The following CDV3 variants were observed in gnomAD, a reference collection of about 807,000 sequenced individuals.
The protein encoded by CDV3 is CDV3 homolog, also known as protein CDV3 homolog.
A neutral mutation model predicts 24.5 loss-of-function variants in CDV3; 14 were observed. The ratio of observed to expected loss-of-function variants is 0.57; its 90% CI spans 0.38 to 0.89. The LOEUF is 0.89. CDV3 is among the 40% of genes least tolerant of loss of function. CDV3 has a pLI of 0.00. For missense variants in CDV3, 304 were observed against 310.2 expected, an observed-to-expected ratio of 0.98 and a Z score of 0.15; for synonymous variants, 114 against 114.1, an observed-to-expected ratio of 1.00 and a Z score of 0.00.
At chr3:133,578,119 A>AGCT (rs977374072) in intron 2 of CDV3, among the ~76,000 whole-genome samples, 1 of 152,126 alleles carries the variant, frequency 6.6e-6, no homozygotes, top group African/African-American at 2.4e-5. Context: ...CCTCCCGAGT[A>AGCT]GCTGGGACTA....
In CDV3 at chr3:133,590,238, T is replaced by G. The variant is rs1933989051; in HGVS notation, c.*2192T>G. ...GCAAGAATTCTGTAACATTAACAAA[T>G]TCAATAAAAAGTAAATATATGGATT... On this transcript the variant is annotated 3_prime_UTR_variant, in exon 5 of 5. Transcript: ENST00000264993. 6.6e-6 allele frequency: 1 copy of G among 152,194 alleles called. No homozygotes were observed. The highest frequency in any genetic ancestry group is 2.4e-5 in the African/African-American group (1 of 41,444). The allele number at this position is 152,194 out of a possible 1,614,324, so 9.4% of individuals were successfully genotyped here. A position where few individuals can be genotyped will look rare whatever the true frequency, so the allele number is the denominator to read the frequency against.
chr3:133,579,793 A>G (rs1376100854), intron 2 of CDV3, among the ~76,000 whole-genome samples: 1 of 151,944 alleles, frequency 6.6e-6, no homozygotes, highest in East Asian at 1.9e-4. Context: ...GTGTTTGACC[A>G]TGTTGGTCAG....
chr3:133,576,841 CTTTTTTTT>C (rs370619351), intron 2 of CDV3, among the ~76,000 whole-genome samples: 1,720 of 62,462 alleles, frequency 0.028, 81 homozygotes, highest in Middle Eastern at 0.11. Flanking sequence ...GGTAGACTAG[CTTTTTTTT>C]TTTTTTTTTT....
intron 2 of CDV3, among the ~76,000 whole-genome samples, chr3:133,575,725 C>T (rs1413896438): frequency 6.6e-6 from 1 of 152,136 alleles, no homozygotes; most frequent in Non-Finnish European, 1.5e-5. Context: ...TATTTGTAAA[C>T]ATGTTATTTT....
intron 4 of CDV3, chr3:133,587,224 T>C (rs904250867): frequency 6.9e-6 from 9 of 1,312,916 alleles, no homozygotes; most frequent in Non-Finnish European, 7.9e-6. Context: ...CATCTTACTT[T>C]AGGGACATGA....
chr3:133,578,104 C>T (rs1316787999), intron 2 of CDV3, among the ~76,000 whole-genome samples: 1 of 152,196 alleles, frequency 6.6e-6, no homozygotes, highest in Non-Finnish European at 1.5e-5. Context: ...ATCCTCCCAC[C>T]TCAGCCTCCC....
At position 133,586,581 on chromosome 3, in the gene CDV3, C is replaced by T. The variant is rs1276145001; in HGVS notation, c.485C>T (p.Pro162Leu). The change falls in exon 4 of 5, where the codon CCA (proline) becomes CTA (leucine). Residue 162 changes from proline to leucine, a missense_variant. Pro to Leu is a moderately conservative substitution (Grantham distance 98). Transcript: ENST00000264993. The stretch of plus-strand genomic sequence containing the variant: ...ATATTAGTTACAGAAACCCCAGAAC[C>T]AGCGATGACTAGTGGTGTGTATAGG... ...APVIVTETPE[P>L]AMTSGVYRPP... The T allele has an allele frequency of 3.2e-6, 5 of 1,587,206 alleles. No homozygotes were observed. Among genetic ancestry groups the T allele is most frequent in the Non-Finnish European group, 4.3e-6 (5 of 1,158,394 alleles).
At chr3:133,584,321 T>C (rs191151689) in intron 3 of CDV3, among the ~76,000 whole-genome samples, 171 bp downstream of exon 3, 3 of 152,284 alleles carry the variant, frequency 2.0e-5, no homozygotes, top group Non-Finnish European at 4.4e-5. Context: ...AAATCCTAAA[T>C]AAAAGGAATC....
At chr3:133,583,783 A>G (rs917134688) in intron 2 of CDV3, among the ~76,000 whole-genome samples, 2 of 152,060 alleles carry the variant, frequency 1.3e-5, no homozygotes, top group Admixed American at 6.6e-5. Flanking sequence ...CCTGGTCTTG[A>G]ACACCTGACC....
intron 4 of CDV3, chr3:133,587,523 A>G: frequency 9.1e-7 from 1 of 1,103,140 alleles, no homozygotes; most frequent in Non-Finnish European, 1.1e-6. Context: ...AGTAGAATTT[A>G]CTTGAATGAG....
At chr3:133,576,782 ATAAG>A (rs764721996) in intron 2 of CDV3, among the ~76,000 whole-genome samples, 10 of 150,092 alleles carry the variant, frequency 6.7e-5, no homozygotes, top group Admixed American at 1.3e-4. Flanking sequence ...TGCCAGGGAT[ATAAG>A]TAAGTATCAG....
Position 133,573,973 on chromosome 3 carries a change from A to AC in CDV3, c.-68dup. The AC allele has an allele frequency of 9.0e-6, 9 of 1,002,012 alleles. No individual in the cohort carries two copies. The highest frequency in any genetic ancestry group is 1.1e-5 in the Non-Finnish European group (9 of 842,088). 62.1% of individuals were successfully genotyped at this position (1,002,012 alleles called of 1,614,324 possible). A position where few individuals can be genotyped will look rare whatever the true frequency, so the allele number is the denominator to read the frequency against. ...CAGCGTGAGCGCAGAGCCGGCCTCG[A>AC]CCCCGAGCTCGGAGCCCCGCGGGCC... On this transcript the variant is annotated 5_prime_UTR_variant, in exon 1 of 5. Coordinates refer to ENST00000264993, the MANE Select transcript of CDV3 (RefSeq NM_017548.5).
intron 1 of CDV3, chr3:133,574,826 C>A: frequency 1.3e-6 from 1 of 784,036 alleles, no homozygotes; most frequent in Non-Finnish European, 1.8e-6. Context: ...AGCTCCCATG[C>A]AGGAACCCAG....
At chr3:133,574,945 T>TTCCAGC in intron 1 of CDV3, 94 bp from the exon 2 acceptor site, 1 of 857,162 alleles carries the variant, frequency 1.2e-6, no homozygotes, top group African/African-American at 1.7e-5. Context: ...TTAGTTTAGG[T>TTCCAGC]TCCAGCCACT....
chr3:133,578,162 C>CTT lies in CDV3; in HGVS notation c.317+3055_317+3056dup, dbSNP rs1296345694. The stretch of plus-strand genomic sequence containing the variant: ...GAGTTGCCACCCCTGACTAATCTTA[C>CTT]TTTTTTTTTCTGTAGATGAGGTCTA... On this transcript the variant is annotated intron_variant, in intron 2 of 4. Coordinates refer to ENST00000264993, the MANE Select transcript of CDV3 (RefSeq NM_017548.5). 2.0e-5 allele frequency among the ~76,000 whole-genome samples: 3 copies of CTT among 151,564 alleles called. No homozygotes were observed. The East Asian group carries it at 5.8e-4, about 29-fold the overall frequency.
At position 133,588,973 on chromosome 3, in the gene CDV3, A is replaced by G. The variant is rs1933877021; in HGVS notation, c.*927A>G. 1 of 152,702 alleles carries G rather than the reference A, an allele frequency of 6.5e-6. No individual in the cohort carries two copies. Among genetic ancestry groups the G allele is most frequent in the South Asian group, 2.1e-4 (1 of 4,828 alleles). The allele number at this position is 152,702 out of a possible 1,614,324, so 9.5% of individuals were successfully genotyped here. A position where few individuals can be genotyped will look rare whatever the true frequency, so the allele number is the denominator to read the frequency against. ...TTGTGAAATGTCTCGTGAGTATGCC[A>G]ATCCTGAGGGTGGAACCAAATAGCC... On this transcript the variant is annotated 3_prime_UTR_variant, in exon 5 of 5. Transcript: ENST00000264993.
Position 133,586,704 on chromosome 3 carries a change from A to G in CDV3, c.608A>G (p.Lys203Arg), listed in dbSNP as rs1053409048. The G allele has an allele frequency of 6.3e-7, 1 of 1,597,682 alleles. No individual in the cohort carries two copies. Among genetic ancestry groups the G allele is most frequent in the Non-Finnish European group, 8.6e-7 (1 of 1,165,380 alleles). ...TTCCCATCCCTGCAGTCAACTGCCA[A>G]GCATGTAGAAAGCCGGAAGTAAGTA... The part of the protein sequence containing the change: ...TQFPSLQSTA[K>R]HVESRKDKEM... The change falls in exon 4 of 5, where the codon AAG (lysine) becomes AGG (arginine). Residue 203 changes from lysine to arginine, a missense_variant. Physicochemically the swap from Lys to Arg is conservative, Grantham distance 26. Around this residue, in one of 3 missense-constraint regions of CDV3, gnomAD observed 29 missense variants for 55.8 expected, o/e 0.52. Transcript: ENST00000264993.
intron 2 of CDV3, among the ~76,000 whole-genome samples, chr3:133,576,841 CTTTTTTTTT>C (rs370619351): frequency 6.4e-5 from 4 of 62,392 alleles, no homozygotes; most frequent in Admixed American, 2.3e-4. Context: ...GGTAGACTAG[CTTTTTTTTT>C]TTTTTTTTTT....
chr3:133,587,267 T>TA (rs1933707174), intron 4 of CDV3: 2 of 1,285,240 alleles, frequency 1.6e-6, no homozygotes, highest in Admixed American at 7.6e-5. Flanking sequence ...GGAAGAAATG[T>TA]AAATGACATC....
Sources: gnomAD v4.1 joint callset for allele counts (sites outside exome capture counted in the v4.1 genomes callset) on GRCh38, gnomAD v4.1.1 for gene constraint, gnomAD v4.1.1 regional missense constraint, MANE v1.5 for transcripts, NCBI Gene and HGNC (gene_info 2026-07-23, HGNC 2026-07-21) for gene names.